Variants in VPS13B observed in about 807,000 individuals in gnomAD.
VPS13B encodes the protein vacuolar protein sorting 13 homolog B, also known as intermembrane lipid transfer protein VPS13B.
In VPS13B, 285 loss-of-function variants were observed where a neutral mutation model predicts 426.4. That is an observed-to-expected ratio of 0.67 (90% confidence interval 0.61 to 0.74). The LOEUF is 0.74. Ranked by LOEUF, VPS13B falls within the 30% of genes least tolerant of loss-of-function variation. VPS13B has a pLI of 0.00. For synonymous variants in VPS13B, 1,676 were observed against 1,676.4 expected (o/e 1.00, Z 0.01); for missense variants, 4,537 against 4,782.6 (o/e 0.95, Z 1.51).
chr8:99,533,392 C>T (rs2133700970), intron 30 of VPS13B, among the ~76,000 whole-genome samples: 1 of 152,108 alleles, frequency 6.6e-6, no homozygotes, highest in East Asian at 1.9e-4. Flanking sequence ...TTGACAGTAG[C>T]TTTAAAAAAA....
chr8:99,053,704 C>CT (rs1226816938), intron 3 of VPS13B, among the ~76,000 whole-genome samples: 77 of 98,480 alleles, frequency 7.8e-4, no homozygotes, highest in East Asian at 3.3e-3. Flanking sequence ...GCTTACAACT[C>CT]TTTTTTTTTT....
At chr8:99,096,183 GC>G in intron 3 of VPS13B, 128 bp from the exon 4 acceptor site, 1 of 1,072,764 alleles carries the variant, frequency 9.3e-7, no homozygotes, top group African/African-American at 1.6e-5. Flanking sequence ...AGTTTTTAGA[GC>G]TAAAAAATAA....
At chr8:99,093,559 G>A (rs959166040) in intron 3 of VPS13B, among the ~76,000 whole-genome samples, 10 of 134,584 alleles carry the variant, frequency 7.4e-5, no homozygotes, top group Middle Eastern at 5.0e-3. Context: ...TCCCCAGAGT[G>A]CGATGTTCCC....
At chr8:99,647,328 G>A (rs956291807) in intron 34 of VPS13B, among the ~76,000 whole-genome samples, 3 of 152,088 alleles carry the variant, frequency 2.0e-5, no homozygotes, top group African/African-American at 4.8e-5. Flanking sequence ...TTGGGAGGCC[G>A]AGGTGGGCAG....
chr8:99,052,060 A>T (rs924028969), intron 3 of VPS13B, among the ~76,000 whole-genome samples: 14 of 150,214 alleles, frequency 9.3e-5, no homozygotes, highest in Non-Finnish European at 1.5e-5. Flanking sequence ...AGAACTTCCA[A>T]CACTATGTTG....
At chr8:99,834,069 T>G (rs919447005) in intron 52 of VPS13B, among the ~76,000 whole-genome samples, 8 of 152,264 alleles carry the variant, frequency 5.3e-5, no homozygotes, top group Admixed American at 5.2e-4. Context: ...ACCATTCACT[T>G]TGACATTTCA....
chr8:99,106,448 A>AC (rs1187385967), intron 5 of VPS13B, among the ~76,000 whole-genome samples: 17 of 150,842 alleles, frequency 1.1e-4, no homozygotes, highest in Admixed American at 3.3e-4. Flanking sequence ...AAAAAAAAAA[A>AC]AAAAAACCCA....
chr8:99,690,923 G>A (rs926276521), intron 35 of VPS13B, among the ~76,000 whole-genome samples: 6 of 152,096 alleles, frequency 3.9e-5, no homozygotes, highest in African/African-American at 1.4e-4. Flanking sequence ...ATTCATAGCA[G>A]CATTATTCAT....
intron 21 of VPS13B, among the ~76,000 whole-genome samples, chr8:99,413,580 T>C (rs540348704): frequency 3.3e-5 from 5 of 152,348 alleles, no homozygotes; most frequent in African/African-American, 9.6e-5. Context: ...TGCTATAAAT[T>C]TCCCTCTAAA....
intron 19 of VPS13B, among the ~76,000 whole-genome samples, chr8:99,300,682 T>G (rs528231789): frequency 1.2e-4 from 19 of 152,302 alleles, no homozygotes; most frequent in Non-Finnish European, 2.4e-4. Flanking sequence ...CAGTTCCTTT[T>G]CTTTAGTTAT....
At chr8:99,710,245 AT>A (rs1832657602) in intron 36 of VPS13B, among the ~76,000 whole-genome samples, 1 of 152,212 alleles carries the variant, frequency 6.6e-6, no homozygotes, top group South Asian at 2.1e-4. Flanking sequence ...TTACAAAATT[AT>A]TCAGGCCTTT....
chr8:99,111,167 C>T lies in VPS13B; in HGVS notation c.650C>T (p.Ala217Val). 6.2e-7 allele frequency: 1 copy of T among 1,601,728 alleles called. No homozygotes were observed. The highest frequency in any genetic ancestry group is 1.1e-5 in the South Asian group (1 of 88,382). Residue 217 changes from alanine to valine, a missense_variant, in exon 6 of 62, where the codon GCC becomes GTC. By Grantham distance (64) the Ala-to-Val change is moderately conservative. Transcript: ENST00000357162. ...ACAGTTTGTCTTGATAAACGGAATG[C>T]CAGTGGTAAAATAGAATTTTACCAG... ...DCTVCLDKRN[A>V]SGKIEFYQDP...
intron 3 of VPS13B, among the ~76,000 whole-genome samples, chr8:99,073,699 CTTTTTTTT>C (rs71273160): frequency 1.2e-5 from 1 of 83,572 alleles, no homozygotes; most frequent in Non-Finnish European, 2.4e-5. Context: ...ATTTTCTTTC[CTTTTTTTT>C]TTTTTTTTTT....
chr8:99,192,851 C>A (rs771513951), intron 16 of VPS13B, 25 bp from the exon 17 acceptor site: 9 of 1,610,552 alleles, frequency 5.6e-6, no homozygotes, highest in Non-Finnish European at 7.6e-6. Context: ...TACTGTATTG[C>A]GATTCTTTCT....
chr8:99,034,184 G>A (rs1001266676), intron 2 of VPS13B, among the ~76,000 whole-genome samples: 3 of 152,156 alleles, frequency 2.0e-5, no homozygotes, highest in Admixed American at 6.6e-5. Context: ...GACTAATTTT[G>A]TGATGTCTGT....
At chr8:99,600,709 T>C (rs991240017) in intron 33 of VPS13B, among the ~76,000 whole-genome samples, 8 of 152,162 alleles carry the variant, frequency 5.3e-5, no homozygotes, top group Admixed American at 5.2e-4. Context: ...AGAGGCAGTG[T>C]CTCAGCACAT....
At chr8:99,092,604 G>A (rs1846208702) in intron 3 of VPS13B, among the ~76,000 whole-genome samples, 1 of 151,834 alleles carries the variant, frequency 6.6e-6, no homozygotes, top group Admixed American at 6.6e-5. Flanking sequence ...TAATTTGATT[G>A]GGGCATGATT....
At position 99,606,004 on chromosome 8, in the gene VPS13B, TC is replaced by T. The variant is rs1174170197; in HGVS notation, c.5220+28374del. On this transcript the variant is annotated intron_variant, in intron 33 of 61. Transcript: ENST00000357162. ...TCTGCCTCCCAGATTCAAGGGATCC[TC>T]CCACCTCAGCCTCCTGAGCAGCTGG... is the stretch of plus-strand genomic sequence containing the variant. 3.3e-5 allele frequency among the ~76,000 whole-genome samples: 5 copies of T among 152,136 alleles called. No homozygotes were observed. The East Asian group carries it at 9.6e-4, about 29-fold the overall frequency.
intron 17 of VPS13B, among the ~76,000 whole-genome samples, chr8:99,242,955 C>A (rs926885159): frequency 6.6e-6 from 1 of 152,090 alleles, no homozygotes; most frequent in Non-Finnish European, 1.5e-5. Context: ...TTCACTTGAA[C>A]TTTTACTGTA....
Sources: allele counts gnomAD v4.1 joint callset (sites outside exome capture counted in the v4.1 genomes callset), GRCh38; gene constraint gnomAD v4.1.1; transcripts MANE v1.5; gene names NCBI Gene and HGNC (gene_info 2026-07-23, HGNC 2026-07-21).